The following ZNF362 variants were observed in gnomAD, a reference collection of about 807,000 sequenced individuals.
ZNF362 encodes zinc finger protein 362.
In ZNF362, 11 loss-of-function variants were observed where a neutral mutation model predicts 42.9. The ratio of observed to expected loss-of-function variants is 0.26; its 90% CI spans 0.16 to 0.42. The LOEUF (loss-of-function observed/expected upper bound fraction) is 0.42. ZNF362 is among the 20% of genes least tolerant of loss of function. The pLI, the probability that ZNF362 is intolerant of heterozygous loss-of-function variation, is 1.00. For synonymous variants in ZNF362, 255 were observed against 257.3 expected (o/e 0.99, Z 0.09); for missense variants, 362 against 576.2 (o/e 0.63, Z 3.81).
At chr1:33,248,329 C>T in the ZNF362 span, among the ~76,000 whole-genome samples, 1 of 152,210 alleles carries the variant, frequency 6.6e-6, no homozygotes, top group African/African-American at 2.4e-5. Context: ...CTGCTATCTC[C>T]CTCCATCCCA....
chr1:33,249,657 C>T, the ZNF362 span, among the ~76,000 whole-genome samples: 399 of 152,138 alleles, frequency 2.6e-3, 3 homozygotes, highest in African/African-American at 9.0e-3. Flanking sequence ...ATCTAGTTTG[C>T]GGTTTAAATG....
chr1:33,234,363 C>T, the ZNF362 span, among the ~76,000 whole-genome samples: 2 of 152,170 alleles, frequency 1.3e-5, no homozygotes, highest in African/African-American at 4.8e-5. Context: ...CTTAAGTTTC[C>T]TTCCCTCCCC....
chr1:33,256,933 C>T (rs977223681), intron 1 of ZNF362, among the ~76,000 whole-genome samples: 3 of 150,836 alleles, frequency 2.0e-5, no homozygotes, highest in East Asian at 1.9e-4. Flanking sequence ...TGTGCGCGCG[C>T]GTGTGTGTGT....
intron 2 of ZNF362, among the ~76,000 whole-genome samples, chr1:33,271,562 C>T (rs911317086): frequency 2.0e-5 from 3 of 152,162 alleles, no homozygotes; most frequent in Admixed American, 6.5e-5. Flanking sequence ...GCAAACAGAG[C>T]GGGCTGTTCC....
At chr1:33,247,613 T>C in the ZNF362 span, among the ~76,000 whole-genome samples, 2 of 152,368 alleles carry the variant, frequency 1.3e-5, no homozygotes, top group South Asian at 4.1e-4. Flanking sequence ...ATTATTTAAT[T>C]ACTGCAAATG....
chr1:33,235,275 A>C, the ZNF362 span, among the ~76,000 whole-genome samples: 4 of 152,086 alleles, frequency 2.6e-5, no homozygotes, highest in East Asian at 5.8e-4. Flanking sequence ...ACACCTTTGC[A>C]TGTGCTGTCC....
intron 4 of ZNF362, among the ~76,000 whole-genome samples, chr1:33,278,017 T>C (rs1321802048): frequency 6.6e-6 from 1 of 152,218 alleles, no homozygotes; most frequent in Non-Finnish European, 1.5e-5. Context: ...TTACAGGGCC[T>C]GGTAAACCTC....
chr1:33,269,119 C>G (rs1351269656), intron 1 of ZNF362, among the ~76,000 whole-genome samples: 1 of 152,108 alleles, frequency 6.6e-6, no homozygotes. Flanking sequence ...CCAAGTTGTG[C>G]TTTGAGGCTG....
intron 2 of ZNF362, among the ~76,000 whole-genome samples, chr1:33,275,893 T>TG (rs1397345730): frequency 1.3e-5 from 2 of 149,146 alleles, no homozygotes; most frequent in African/African-American, 5.0e-5. Flanking sequence ...GGGGGGGTGG[T>TG]GGGGGTGTCA....
the ZNF362 span, among the ~76,000 whole-genome samples, chr1:33,132,814 C>T: frequency 6.6e-6 from 1 of 152,212 alleles, no homozygotes; most frequent in East Asian, 1.9e-4. Flanking sequence ...CATAGTCAGA[C>T]TAGATGTCCT....
At chr1:33,179,006 C>A in the ZNF362 span, among the ~76,000 whole-genome samples, 1 of 152,204 alleles carries the variant, frequency 6.6e-6, no homozygotes, top group Non-Finnish European at 1.5e-5. Flanking sequence ...CTGGGTCAGG[C>A]TGTGCCCTAT....
chr1:33,132,844 A>T, the ZNF362 span, among the ~76,000 whole-genome samples: 1 of 152,238 alleles, frequency 6.6e-6, no homozygotes, highest in South Asian at 2.1e-4. Context: ...GGTAGTGATG[A>T]GAATTCTGGG....
At chr1:33,203,206 A>G in the ZNF362 span, among the ~76,000 whole-genome samples, 1 of 152,084 alleles carries the variant, frequency 6.6e-6, no homozygotes, top group Non-Finnish European at 1.5e-5. Context: ...GATTCCACAT[A>G]TAAGTGAGAT....
At chr1:33,296,147 A>T (rs1646122009) in intron 8 of ZNF362, among the ~76,000 whole-genome samples, 1 of 152,176 alleles carries the variant, frequency 6.6e-6, no homozygotes, top group Admixed American at 6.5e-5. Context: ...AGCTGCTGTA[A>T]AGCAGAGACT....
At chr1:33,270,639 ACTCT>A in intron 2 of ZNF362, 27 bp downstream of exon 2, 1 of 1,609,858 alleles carries the variant, frequency 6.2e-7, no homozygotes. Flanking sequence ...TCCAGGTTGC[ACTCT>A]GTCAATGAGG....
the ZNF362 span, among the ~76,000 whole-genome samples, chr1:33,182,983 C>A: frequency 6.6e-6 from 1 of 152,136 alleles, no homozygotes; most frequent in East Asian, 1.9e-4. Context: ...AGACAGGGAG[C>A]TTTTCCAATG....
At chr1:33,245,309 T>TA in the ZNF362 span, among the ~76,000 whole-genome samples, 17 of 152,138 alleles carry the variant, frequency 1.1e-4, no homozygotes, top group African/African-American at 4.1e-4. Context: ...GGATTGGAGT[T>TA]AGTTATTAAA....
intron 4 of ZNF362, among the ~76,000 whole-genome samples, chr1:33,276,932 T>A (rs1557792820): frequency 6.6e-6 from 1 of 152,118 alleles, no homozygotes; most frequent in Non-Finnish European, 1.5e-5. Flanking sequence ...TGACCAGATT[T>A]AGGGGGTAAG....
At chr1:33,195,498 AAAC>A in the ZNF362 span, 2 of 152,230 alleles carry the variant, frequency 1.3e-5, no homozygotes, top group African/African-American at 4.8e-5. Flanking sequence ...ATACTTACAC[AAAC>A]CTGGATGTCA....
Sources: gnomAD v4.1 joint callset for allele counts (sites outside exome capture counted in the v4.1 genomes callset) on GRCh38, gnomAD v4.1.1 for gene constraint, MANE v1.5 for transcripts, NCBI Gene and HGNC (gene_info 2026-07-23, HGNC 2026-07-21) for gene names.